Variants in BCCIP observed in about 807,000 individuals in gnomAD.
BCCIP encodes BRCA2 and CDKN1A interacting protein.
Under a neutral mutation model 32.8 loss-of-function variants are expected in BCCIP, and 23 were observed. The ratio of observed to expected loss-of-function variants is 0.70; its 90% confidence interval spans 0.51 to 0.99. The LOEUF (loss-of-function observed/expected upper bound fraction) is 0.99. Among genes scored for constraint, BCCIP ranks in the 50% least tolerant of loss-of-function variants. BCCIP has a pLI of 0.00. For missense variants in BCCIP, 378 were observed against 379.8 expected (o/e 1.00, Z 0.04); for synonymous variants, 144 against 137.6 (o/e 1.05, Z -0.33).
chr10:125,836,084 TG>T lies in BCCIP; in HGVS notation c.775-18del. 1 of 1,592,354 alleles carries T rather than the reference TG, an allele frequency of 6.3e-7. No homozygotes were observed. The highest frequency in any genetic ancestry group is 1.7e-4 in the Middle Eastern group (1 of 6,008). Reference sequence around the variant, plus strand: ...TTGGGTTGTCCCGATTTTTAATTCATGGTTACTTATTTGGTTTAGAAGGCAA... The same window carrying T: ...TTGGGTTGTCCCGATTTTTAATTCATGTTACTTATTTGGTTTAGAAGGCAA... On this transcript the variant is annotated intron_variant, in intron 6 of 6. Coordinates refer to ENST00000278100, the MANE Select transcript of BCCIP (RefSeq NM_078468.3).
downstream of BCCIP, chr10:125,841,326 C>T (rs2134026963): frequency 6.2e-7 from 1 of 1,614,120 alleles, no homozygotes; most frequent in Non-Finnish European, 8.5e-7. Context: ...CGATACAGCA[C>T]AATGGTTGGT....
chr10:125,853,051 C>T (rs1944111800), intron 7 of BCCIP: 2 of 1,101,934 alleles, frequency 1.8e-6, no homozygotes, highest in Non-Finnish European at 2.7e-6. Flanking sequence ...ACCTTTACAA[C>T]ACATACTGAG....
chr10:125,835,396 G>T (rs1854645693), intron 6 of BCCIP, among the ~76,000 whole-genome samples: 1 of 152,076 alleles, frequency 6.6e-6, no homozygotes, highest in Non-Finnish European at 1.5e-5. Context: ...TGGCTAACAC[G>T]ATGAAACGCT....
At chr10:125,841,919 A>G in exon 7 of BCCIP, 1 of 1,594,822 alleles carries the variant, frequency 6.3e-7, no homozygotes, top group Non-Finnish European at 8.5e-7. Flanking sequence ...CAATGCCTGC[A>G]TCAAACTTTC....
chr10:125,836,495 C>A lies in BCCIP; in HGVS notation c.*221C>A, dbSNP rs1589699656. ...AAAACTTTTCCAAGAAGAAGAAAAG[C>A]ATGGAGTAGTAATTTAAAGAACTCA... On this transcript the variant is annotated 3_prime_UTR_variant, in exon 7 of 7. Coordinates refer to ENST00000278100, the MANE Select transcript of BCCIP (RefSeq NM_078468.3). The A allele has an allele frequency of 1.5e-6, 2 of 1,375,624 alleles. No individual in the cohort carries two copies. Among genetic ancestry groups the A allele is most frequent in the African/African-American group, 2.9e-5 (2 of 68,470 alleles). The allele number at this position is 1,375,624 out of a possible 1,614,324, so 85.2% of individuals were successfully genotyped here. A position where few individuals can be genotyped will look rare whatever the true frequency, so the allele number is the denominator to read the frequency against.
chr10:125,842,981 A>G (rs1293225140), downstream of BCCIP, among the ~76,000 whole-genome samples: 3 of 152,082 alleles, frequency 2.0e-5, no homozygotes, highest in Non-Finnish European at 4.4e-5. Context: ...GGTTTTTGCC[A>G]TTACTTTCAA....
At chr10:125,841,373 A>G (rs745405994), downstream of BCCIP, 1 of 1,613,240 alleles carries the variant, frequency 6.2e-7, no homozygotes, top group Non-Finnish European at 8.5e-7. Flanking sequence ...AAAACATACA[A>G]GCCAGGATGA....
chr10:125,848,185 G>C (rs1397241197), intron 7 of BCCIP, among the ~76,000 whole-genome samples: 1 of 152,126 alleles, frequency 6.6e-6, no homozygotes, highest in Non-Finnish European at 1.5e-5. Flanking sequence ...ATGAAGAGAT[G>C]GTGTAGACCC....
chr10:125,839,478 G>A (rs1429437026), downstream of BCCIP, among the ~76,000 whole-genome samples: 2 of 152,208 alleles, frequency 1.3e-5, no homozygotes, highest in East Asian at 3.9e-4. Flanking sequence ...GACTGAAGAT[G>A]TATTTCACTA....
intron 3 of BCCIP, among the ~76,000 whole-genome samples, chr10:125,827,967 G>GA (rs11296499): frequency 0.027 from 1,692 of 62,276 alleles, 46 homozygotes; most frequent in South Asian, 0.038. Flanking sequence ...CCCTATATCT[G>GA]AAAAAAAAAA....
Position 125,827,568 on chromosome 10 carries a change from AG to A in BCCIP, c.253del (p.Ala85LeufsTer3). On this transcript the variant is annotated frameshift_variant, in exon 3 of 7. Coordinates refer to ENST00000278100, the MANE Select transcript of BCCIP (RefSeq NM_078468.3). LOFTEE classifies it high-confidence loss of function. The stretch of plus-strand genomic sequence containing the variant: ...TTTTCCTCCTTTTAGCTTTTTCTAA[AG>A]GCTCCTGTGAACACTGCAGAACTAA... ...IKKLLQQLFL[K>X]APVNTAELTD... is the part of the protein sequence containing the mutation. 6.2e-7 allele frequency: 1 copy of A among 1,607,056 alleles called. No homozygotes were observed. Among genetic ancestry groups the A allele is most frequent in the Non-Finnish European group, 8.5e-7 (1 of 1,176,280 alleles).
chr10:125,842,223 A>G (rs1589704058), exon 7 of BCCIP: 1 of 355,744 alleles, frequency 2.8e-6, no homozygotes, highest in East Asian at 6.3e-5. Context: ...GCAGTAGGAA[A>G]ACAATGCCAG....
At chr10:125,847,849 C>G (rs1017729217) in intron 7 of BCCIP, among the ~76,000 whole-genome samples, 6 of 151,994 alleles carry the variant, frequency 3.9e-5, no homozygotes, top group African/African-American at 1.5e-4. Context: ...ATGTGCAGTT[C>G]ATAATAGGGT....
downstream of BCCIP, chr10:125,841,420 A>G (rs17153665): frequency 6.4e-5 from 101 of 1,589,166 alleles, no homozygotes; most frequent in Admixed American, 8.9e-5. Context: ...GGCACACAAC[A>G]TTATTTGGGG....
chr10:125,833,604 A>G (rs1157884014), intron 5 of BCCIP, among the ~76,000 whole-genome samples, 168 bp from the exon 6 acceptor site: 1 of 152,228 alleles, frequency 6.6e-6, no homozygotes, highest in Non-Finnish European at 1.5e-5. Context: ...CTAAAATGCA[A>G]CTGATTATGT....
intron 5 of BCCIP, among the ~76,000 whole-genome samples, chr10:125,832,544 GT>G (rs200793319): frequency 6.7e-6 from 1 of 149,636 alleles, no homozygotes; most frequent in East Asian, 2.0e-4. Flanking sequence ...AGTGGTTTTT[GT>G]TTTTTTTTGG....
At chr10:125,848,884 A>T (rs908862457) in intron 7 of BCCIP, among the ~76,000 whole-genome samples, 1 of 152,198 alleles carries the variant, frequency 6.6e-6, no homozygotes, top group African/African-American at 2.4e-5. Context: ...GATTATCCTC[A>T]TATTCAGATA....
At chr10:125,832,056 T>G (rs1383982607) in intron 5 of BCCIP, among the ~76,000 whole-genome samples, 1 of 152,212 alleles carries the variant, frequency 6.6e-6, no homozygotes, top group Non-Finnish European at 1.5e-5. Flanking sequence ...ATTCTATTTT[T>G]TAATCCAGAA....
Position 125,827,631 on chromosome 10 carries a change from T to G in BCCIP, c.314T>G (p.Val105Gly), listed in dbSNP as rs1418289808. 1.9e-6 allele frequency: 3 copies of G among 1,602,732 alleles called. No individual in the cohort carries two copies. The highest frequency in any genetic ancestry group is 2.6e-6 in the Non-Finnish European group (3 of 1,169,856). ...LLIQQNHIGSVIKQTDVSEDS... is the reference protein window; with the variant it reads ...LLIQQNHIGSGIKQTDVSEDS... ...ATTCAACAGAACCATATTGGGAGTG[T>G]GATTAAGGTAAGTAGGATAATTGTG... Residue 105 changes from valine to glycine, a missense_variant, in exon 3 of 7, where the codon GTG (valine) becomes GGG (glycine). Val to Gly is a moderately radical substitution (Grantham distance 109). Coordinates refer to ENST00000278100, the MANE Select transcript of BCCIP (RefSeq NM_078468.3).
Sources: allele counts gnomAD v4.1 joint callset (sites outside exome capture counted in the v4.1 genomes callset), GRCh38; gene constraint gnomAD v4.1.1; transcripts MANE v1.5; gene names NCBI Gene and HGNC (gene_info 2026-07-23, HGNC 2026-07-21).